The following LDLRAD3 variants were observed in gnomAD, a reference collection of about 807,000 sequenced individuals.
The protein encoded by LDLRAD3 is low density lipoprotein receptor class A domain containing 3.
Under a neutral mutation model 29.4 loss-of-function variants are expected in LDLRAD3, and 20 were observed. The ratio of observed to expected loss-of-function variants is 0.68; its 90% CI spans 0.48 to 0.99. The LOEUF (loss-of-function observed/expected upper bound fraction) is 0.99, where lower values mean the gene tolerates loss of function less well. Among genes scored for constraint, LDLRAD3 ranks in the 50% least tolerant of loss-of-function variants. The pLI is 0.00. For missense variants in LDLRAD3, 420 were observed against 454.3 expected, an observed-to-expected ratio of 0.92 and a Z score of 0.69; for synonymous variants, 157 against 192.7, an observed-to-expected ratio of 0.81 and a Z score of 1.53.
chr11:36,098,619 G>A (rs534884685), intron 4 of LDLRAD3, among the ~76,000 whole-genome samples, 158 bp downstream of exon 4: 17 of 152,324 alleles, frequency 1.1e-4, no homozygotes, highest in Admixed American at 6.5e-4. Flanking sequence ...GTAGGTACCC[G>A]TGTTTACGTG....
At chr11:36,098,526 A>AT in intron 4 of LDLRAD3, 65 bp downstream of exon 4, 1 of 1,576,182 alleles carries the variant, frequency 6.3e-7, no homozygotes. Flanking sequence ...GAACACCCTG[A>AT]AAGGCAGAAA....
intron 2 of LDLRAD3, among the ~76,000 whole-genome samples, chr11:36,038,859 C>CT (rs1257807231): frequency 6.6e-6 from 1 of 151,992 alleles, no homozygotes; most frequent in Non-Finnish European, 1.5e-5. Context: ...TGTAGCCCTT[C>CT]TTTTTTTGTC....
chr11:36,227,937 T>C (rs1290836008), intron 5 of LDLRAD3, among the ~76,000 whole-genome samples: 4 of 152,214 alleles, frequency 2.6e-5, no homozygotes, highest in African/African-American at 9.6e-5. Flanking sequence ...AGAGAATCAG[T>C]GAGTTCCTTA....
intron 1 of LDLRAD3, among the ~76,000 whole-genome samples, chr11:35,982,790 C>G (rs1791116335): frequency 6.6e-6 from 1 of 151,006 alleles, no homozygotes; most frequent in African/African-American, 2.4e-5. Context: ...CATTCCATTC[C>G]TTTCCCAAGG....
intron 1 of LDLRAD3, among the ~76,000 whole-genome samples, chr11:36,006,673 G>C (rs1310734170): frequency 6.6e-6 from 1 of 152,214 alleles, no homozygotes; most frequent in Non-Finnish European, 1.5e-5. Context: ...TTTCTCCTCT[G>C]TAAACTTAGC....
intron 3 of LDLRAD3, among the ~76,000 whole-genome samples, chr11:36,096,224 C>T (rs891929494): frequency 3.9e-5 from 6 of 152,226 alleles, no homozygotes; most frequent in Admixed American, 1.3e-4. Flanking sequence ...TCTTCAGTTC[C>T]TCAGCTTTAG....
rs1436812454 is a variant in LDLRAD3 at position 35,969,067 on chromosome 11, A to G, written c.46+24923A>G. Among the ~76,000 whole-genome samples, 4 of 152,186 alleles carry G rather than the reference A, an allele frequency of 2.6e-5. No individual in the cohort carries two copies. The East Asian group carries it at 7.7e-4, about 29-fold the overall frequency. ...TCCAGCCGTGGAATCCACATGCCTC[A>G]GACTGGGGGGCACTTCCCCCTCAGG... On this transcript the variant is annotated intron_variant, in intron 1 of 5. Coordinates refer to ENST00000315571, the MANE Select transcript of LDLRAD3 (RefSeq NM_174902.4).
Position 36,089,062 on chromosome 11 carries a change from T to C in LDLRAD3, c.319+7284T>C, listed in dbSNP as rs535644805. ...TATATTTCCAGCGCCATGTATATTATCAGGCTCAGCCTTAGCAAGCGACAA... is the reference window on the plus strand; with the variant it reads ...TATATTTCCAGCGCCATGTATATTACCAGGCTCAGCCTTAGCAAGCGACAA... On this transcript the variant is annotated intron_variant, in intron 3 of 5. Coordinates refer to ENST00000315571, the MANE Select transcript of LDLRAD3 (RefSeq NM_174902.4). 5.3e-5 allele frequency among the ~76,000 whole-genome samples: 8 copies of C among 152,348 alleles called. No homozygotes were observed. In the East Asian group the frequency reaches 1.4e-3, roughly 26 times the overall value.
At chr11:36,168,491 CTTTCTTCTTTTTTTTTTTTTTTTTT>C (rs1422787624) in intron 4 of LDLRAD3, among the ~76,000 whole-genome samples, 1 of 110,756 alleles carries the variant, frequency 9.0e-6, no homozygotes, top group Non-Finnish European at 1.9e-5. Context: ...CCGTTTTTTT[CTTTCTTCTTTTTTTTTTTTTTTTTT>C]TTTACTGCCT....
intron 2 of LDLRAD3, among the ~76,000 whole-genome samples, chr11:36,040,362 G>A (rs1258133412): frequency 6.6e-6 from 1 of 151,880 alleles, no homozygotes; most frequent in Non-Finnish European, 1.5e-5. Flanking sequence ...GGCAGAGAAG[G>A]AGGAAAAGCA....
intron 1 of LDLRAD3, among the ~76,000 whole-genome samples, chr11:35,984,178 G>A (rs1331694778): frequency 6.6e-6 from 1 of 152,096 alleles, no homozygotes. Context: ...ACTACTAATT[G>A]CAAAATAAAC....
rs1037419481 is a variant in LDLRAD3, at chr11:36,193,517, C to T, written c.455-33568C>T. ...CCAGCCTGTTATTTAAAGCTTTGCACGCTGAGATGTGTGCTTTGCATCTTT... is the reference window on the plus strand; with the variant it reads ...CCAGCCTGTTATTTAAAGCTTTGCATGCTGAGATGTGTGCTTTGCATCTTT... On this transcript the variant is annotated intron_variant, in intron 4 of 5. Coordinates refer to ENST00000315571, the MANE Select transcript of LDLRAD3 (RefSeq NM_174902.4). Among the ~76,000 whole-genome samples, 10 of 152,296 alleles carry T rather than the reference C, an allele frequency of 6.6e-5. No homozygotes were observed. In the East Asian group the frequency reaches 1.9e-3, roughly 29 times the overall value.
chr11:36,035,536 C>T (rs1852292514), intron 1 of LDLRAD3, among the ~76,000 whole-genome samples: 3 of 152,274 alleles, frequency 2.0e-5, no homozygotes, highest in African/African-American at 7.2e-5. Context: ...TTACAAATCC[C>T]AAGTTCAAGA....
At chr11:36,172,026 C>T (rs1854605291) in intron 4 of LDLRAD3, among the ~76,000 whole-genome samples, 1 of 151,934 alleles carries the variant, frequency 6.6e-6, no homozygotes, top group Admixed American at 6.6e-5. Flanking sequence ...TTGTAGAGGT[C>T]TTTCATGTTC....
At chr11:36,086,053 T>G (rs1357249086) in intron 3 of LDLRAD3, among the ~76,000 whole-genome samples, 1 of 152,222 alleles carries the variant, frequency 6.6e-6, no homozygotes, top group African/African-American at 2.4e-5. Context: ...TGTTTTGTTT[T>G]GTTTAGTTGT....
chr11:36,096,713 G>A (rs1261850910), intron 3 of LDLRAD3, among the ~76,000 whole-genome samples: 1 of 152,268 alleles, frequency 6.6e-6, no homozygotes, highest in African/African-American at 2.4e-5. Context: ...CAGGGCCAGT[G>A]CTTAGCTTAG....
chr11:36,025,685 G>A (rs1225740457), intron 1 of LDLRAD3, among the ~76,000 whole-genome samples: 2 of 151,458 alleles, frequency 1.3e-5, no homozygotes, highest in African/African-American at 4.9e-5. Context: ...CACCGCGCCC[G>A]GCCCAGATTT....
At chr11:36,115,624 T>G (rs1014562077) in intron 4 of LDLRAD3, among the ~76,000 whole-genome samples, 15 of 152,166 alleles carry the variant, frequency 9.9e-5, no homozygotes, top group African/African-American at 3.4e-4. Context: ...CACACAGCTA[T>G]TCCTTATCAC....
intron 4 of LDLRAD3, among the ~76,000 whole-genome samples, chr11:36,156,515 T>TGCTTCTG (rs1565265588): frequency 6.6e-6 from 1 of 152,238 alleles, no homozygotes; most frequent in South Asian, 2.1e-4. Context: ...CTCACTGCAG[T>TGCTTCTG]AAACAGCAGT....
Sources: gnomAD v4.1 joint callset for allele counts (sites outside exome capture counted in the v4.1 genomes callset) on GRCh38, gnomAD v4.1.1 for gene constraint, MANE v1.5 for transcripts, NCBI Gene and HGNC (gene_info 2026-07-23, HGNC 2026-07-21) for gene names.